The following AARS1 variants were observed in gnomAD, a reference collection of about 807,000 sequenced individuals.
AARS1 encodes alanyl-tRNA synthetase 1, also known as alanine--tRNA ligase, cytoplasmic.
Under a neutral mutation model 108.9 loss-of-function variants are expected in AARS1, and 72 were observed. The ratio of observed to expected loss-of-function variants is 0.66; its 90% confidence interval spans 0.55 to 0.80. The LOEUF (loss-of-function observed/expected upper bound fraction) is 0.80. Among genes scored for constraint, AARS1 ranks in the 30% least tolerant of loss-of-function variants. The pLI, the probability that AARS1 is intolerant of heterozygous loss-of-function variation, is 0.00. For missense variants in AARS1, 1,193 were observed against 1,233.2 expected, an observed-to-expected ratio of 0.97 and a Z score of 0.49; for synonymous variants, 489 against 465.7, an observed-to-expected ratio of 1.05 and a Z score of -0.64.
At chr16:70,265,216 A>G (rs1219535678) in intron 10 of AARS1, 114 bp from the exon 11 acceptor site, 1 of 1,335,204 alleles carries the variant, frequency 7.5e-7, no homozygotes, top group Non-Finnish European at 1.1e-6. Flanking sequence ...GGGTTTTTCA[A>G]TCCTGGCACT....
rs766691787 is a variant in AARS1 at position 70,262,494 on chromosome 16, G to C, written c.1523C>G (p.Ala508Gly). Residue 508 changes from alanine to glycine, a missense_variant, in exon 12 of 21, where the codon GCT (alanine) becomes GGT (glycine). Transcript: ENST00000261772. ...VFENTVATVMALRREKMFVEE... is the reference protein window; with the variant it reads ...VFENTVATVMGLRREKMFVEE... ...CACGAACATCTTCTCCCTGCGCAGA[G>C]CCATCACCGTAGCCACTGTGTTCTC... 45 of 1,613,944 alleles carry C rather than the reference G, an allele frequency of 2.8e-5. No individual in the cohort carries two copies. The highest frequency in any genetic ancestry group is 3.7e-5 in the Non-Finnish European group (44 of 1,179,852).
intron 18 of AARS1, 51 bp downstream of exon 18, chr16:70,253,868 G>T (rs1169339099): frequency 6.2e-7 from 1 of 1,614,214 alleles, no homozygotes; most frequent in Non-Finnish European, 8.5e-7. Context: ...TGGCTGTTCT[G>T]CCAGCCTTTG....
At chr16:70,288,273 G>A (rs887497264) in intron 1 of AARS1, among the ~76,000 whole-genome samples, 1 of 151,126 alleles carries the variant, frequency 6.6e-6, no homozygotes, top group South Asian at 2.1e-4. Flanking sequence ...CACCACGCCC[G>A]GCTATTTTTG....
chr16:70,258,531 C>T (rs911172700), intron 14 of AARS1, among the ~76,000 whole-genome samples: 12 of 152,172 alleles, frequency 7.9e-5, no homozygotes, highest in Non-Finnish European at 1.2e-4. Flanking sequence ...CCACTGCCCC[C>T]GGCAAAAGCA....
intron 2 of AARS1, among the ~76,000 whole-genome samples, chr16:70,277,450 T>G (rs9673840): frequency 2.0e-5 from 3 of 152,110 alleles, no homozygotes; most frequent in African/African-American, 4.8e-5. Context: ...TGGTAAAACG[T>G]GGGCTTCTTC....
At chr16:70,284,959 G>A (rs1025881494) in intron 1 of AARS1, among the ~76,000 whole-genome samples, 10 of 152,196 alleles carry the variant, frequency 6.6e-5, no homozygotes, top group South Asian at 2.1e-4. Flanking sequence ...GCCACGTGCG[G>A]TGGCTCACAC....
intron 4 of AARS1, among the ~76,000 whole-genome samples, chr16:70,275,893 C>T (rs1168590286): frequency 2.1e-5 from 3 of 143,484 alleles, no homozygotes; most frequent in Non-Finnish European, 3.0e-5. Flanking sequence ...ACTGAGATCA[C>T]GCCACTGCAC....
chr16:70,271,636 T>C (rs1210946601), intron 5 of AARS1, 145 bp downstream of exon 5: 2 of 800,710 alleles, frequency 2.5e-6, no homozygotes, highest in Non-Finnish European at 4.2e-6. Context: ...CATGAAAGAA[T>C]AGGCCCATCC....
At chr16:70,253,661 G>A in intron 19 of AARS1, 53 bp downstream of exon 19, 1 of 1,584,304 alleles carries the variant, frequency 6.3e-7, no homozygotes, top group South Asian at 1.1e-5. Flanking sequence ...CCACATGTCA[G>A]CCACCAGAGA....
At chr16:70,284,587 G>T (rs1204276738) in intron 1 of AARS1, among the ~76,000 whole-genome samples, 1 of 152,222 alleles carries the variant, frequency 6.6e-6, no homozygotes, top group African/African-American at 2.4e-5. Context: ...GGGCGACAGA[G>T]ACCTTGTGTC....
intron 1 of AARS1, 54 bp from the exon 2 acceptor site, chr16:70,282,838 C>T: frequency 3.2e-6 from 5 of 1,560,038 alleles, no homozygotes; most frequent in Non-Finnish European, 4.4e-6. Flanking sequence ...AGTCAAAGTA[C>T]ACATTACACA....
chr16:70,271,804 G>C lies in AARS1; in HGVS notation c.648C>G (p.Asn216Lys), dbSNP rs753186792. 1 of 1,613,854 alleles carries C rather than the reference G, an allele frequency of 6.2e-7. No homozygotes were observed. Among genetic ancestry groups the C allele is most frequent in the Non-Finnish European group, 8.5e-7 (1 of 1,179,810 alleles). The change falls in exon 5 of 21, where the codon AAC becomes AAG. Residue 216 changes from asparagine (N) to lysine (K), a missense_variant. Coordinates refer to ENST00000261772, the MANE Select transcript of AARS1 (RefSeq NM_001605.3). ...QDDPNVLEIWNLVFIQYNREA... is the reference protein window; with the variant it reads ...QDDPNVLEIWKLVFIQYNREA... Reference sequence around the variant, plus strand: ...ACCTGTTATACTGGATGAACACAAGGTTCCAGATCTCCAGCACATTAGGGT... The same window carrying C: ...ACCTGTTATACTGGATGAACACAAGCTTCCAGATCTCCAGCACATTAGGGT...
chr16:70,278,258 A>G (rs1960599609), intron 2 of AARS1, among the ~76,000 whole-genome samples: 1 of 151,864 alleles, frequency 6.6e-6, no homozygotes, highest in African/African-American at 2.4e-5. Context: ...TTAGTAATTA[A>G]TATTTTTAAA....
At chr16:70,272,751 C>A (rs1365469534) in intron 4 of AARS1, among the ~76,000 whole-genome samples, 1 of 150,226 alleles carries the variant, frequency 6.7e-6, no homozygotes, top group Admixed American at 6.6e-5. Context: ...AACCCCGACT[C>A]TCTAAAAAAT....
chr16:70,269,545 A>C, intron 7 of AARS1, 73 bp downstream of exon 7: 1 of 1,598,306 alleles, frequency 6.3e-7, no homozygotes, highest in Non-Finnish European at 8.5e-7. Flanking sequence ...CACACAAAGA[A>C]AAGTTTCATA....
intron 19 of AARS1, 61 bp from the exon 20 acceptor site, chr16:70,253,442 AT>A: frequency 4.3e-6 from 6 of 1,393,088 alleles, no homozygotes; most frequent in Non-Finnish European, 6.1e-6. Flanking sequence ...TAGTGTGAGC[AT>A]TTGCAGCCCT....
chr16:70,279,722 G>C (rs1960649472), intron 2 of AARS1, among the ~76,000 whole-genome samples: 1 of 150,230 alleles, frequency 6.7e-6, no homozygotes, highest in Non-Finnish European at 1.5e-5. Context: ...CCTGGTTCTT[G>C]TTCAGGCGGC....
chr16:70,253,514 G>A, intron 19 of AARS1, 133 bp from the exon 20 acceptor site: 1 of 1,044,132 alleles, frequency 9.6e-7, no homozygotes, highest in Non-Finnish European at 1.4e-6. Context: ...CAGGGCCTGT[G>A]GGGAGGACCC....
At chr16:70,260,166 C>A (rs373196961) in intron 13 of AARS1, among the ~76,000 whole-genome samples, 1 of 152,190 alleles carries the variant, frequency 6.6e-6, no homozygotes, top group African/African-American at 2.4e-5. Context: ...GTACTCATCA[C>A]CAGGAACATG....
Sources: allele counts gnomAD v4.1 joint callset (sites outside exome capture counted in the v4.1 genomes callset), GRCh38; gene constraint gnomAD v4.1.1; transcripts MANE v1.5; gene names NCBI Gene and HGNC (gene_info 2026-07-23, HGNC 2026-07-21).